Variants in ETNK1 observed in about 807,000 individuals in gnomAD.
ETNK1 encodes putative protein product of Nbla10396.
ETNK1 carries 8 observed loss-of-function variants against 45.1 expected under a neutral mutation model. The observed-to-expected ratio is 0.18, with a 90% CI of 0.10 to 0.32. The LOEUF is 0.32. ETNK1 is among the 10% of genes least tolerant of loss of function. The pLI is 1.00. For missense variants in ETNK1, 302 were observed against 430.6 expected, an observed-to-expected ratio of 0.70 and a Z score of 2.64; for synonymous variants, 152 against 151.9, an observed-to-expected ratio of 1.00 and a Z score of -0.01.
At chr12:22,673,762 A>T (rs1354056379) in intron 6 of ETNK1, 102 bp downstream of exon 6, 2 of 1,176,914 alleles carry the variant, frequency 1.7e-6, no homozygotes, top group African/African-American at 3.1e-5. Flanking sequence ...AGTTTTGTGA[A>T]TTTTTGTTCA....
In ETNK1 at chr12:22,678,569, A is replaced by G. The variant is rs576990068; in HGVS notation, c.945+4909A>G. The stretch of plus-strand genomic sequence containing the variant: ...GTTCACAATGCTTAAAGAGAGGAAG[A>G]ACAACCTGAACAAATCTCACAGGGA... On this transcript the variant is annotated intron_variant, in intron 6 of 7. Coordinates refer to ENST00000266517, the MANE Select transcript of ETNK1 (RefSeq NM_018638.5). Among the ~76,000 whole-genome samples the G allele has an allele frequency of 9.2e-5, 14 of 152,372 alleles. 1 individual carries two copies. In the South Asian group the frequency reaches 2.7e-3, roughly 29 times the overall value.
intron 6 of ETNK1, among the ~76,000 whole-genome samples, chr12:22,675,716 C>G (rs570548403): frequency 6.6e-6 from 1 of 152,028 alleles, no homozygotes; most frequent in Admixed American, 6.5e-5. Flanking sequence ...AACTTACTTA[C>G]TCTGATTCAA....
At chr12:22,639,172 A>G (rs188628733) in intron 1 of ETNK1, among the ~76,000 whole-genome samples, 10 of 151,800 alleles carry the variant, frequency 6.6e-5, no homozygotes, top group Admixed American at 5.2e-4. Context: ...CTGGATTTGT[A>G]TATTTTTTGT....
chr12:22,651,987 A>G (rs535703944), intron 2 of ETNK1, among the ~76,000 whole-genome samples: 3 of 152,138 alleles, frequency 2.0e-5, no homozygotes, highest in Non-Finnish European at 4.4e-5. Flanking sequence ...CGCCTGGCCA[A>G]TTCTATGCTT....
chr12:22,652,583 C>T (rs139646777), intron 2 of ETNK1, among the ~76,000 whole-genome samples: 4 of 152,230 alleles, frequency 2.6e-5, no homozygotes, highest in African/African-American at 7.2e-5. Context: ...TTTTGATTTG[C>T]GTTTGCCTAA....
At chr12:22,629,958 ATATTTGTTAGGCTCCCATG>A (rs1213902346) in intron 1 of ETNK1, among the ~76,000 whole-genome samples, 3 of 152,188 alleles carry the variant, frequency 2.0e-5, no homozygotes, top group Non-Finnish European at 4.4e-5. Context: ...AAAACATGAA[ATATTTGTTAGGCTCCCATG>A]TATTTTATTA....
At chr12:22,682,676 A>G (rs562782517) in intron 6 of ETNK1, among the ~76,000 whole-genome samples, 10 of 152,238 alleles carry the variant, frequency 6.6e-5, no homozygotes, top group African/African-American at 2.4e-4. Flanking sequence ...TTTTACTGTT[A>G]TTGTGTGATG....
intron 1 of ETNK1, among the ~76,000 whole-genome samples, chr12:22,634,173 TG>T (rs764189037): frequency 4.6e-5 from 7 of 152,126 alleles, no homozygotes; most frequent in Non-Finnish European, 8.8e-5. Flanking sequence ...TTTGGCCAAA[TG>T]TTTTTTCTGC....
At position 22,689,978 on chromosome 12, in the gene ETNK1, G is replaced by A. The variant is rs1954290305; in HGVS notation, c.*5024G>A. The A allele has an allele frequency of 6.6e-6, 1 of 152,408 alleles. No homozygotes were observed. Among genetic ancestry groups the A allele is most frequent in the South Asian group, 2.1e-4 (1 of 4,832 alleles). The allele number at this position is 152,408 out of a possible 1,614,324, so 9.4% of individuals were successfully genotyped here. A position where few individuals can be genotyped will look rare whatever the true frequency, so the allele number is the denominator to read the frequency against. ...AAGTATTTGAGTTTTAAAATATACTGTTATTAAAAGGAAAAAGACATGGCC... is the reference window on the plus strand; with the variant it reads ...AAGTATTTGAGTTTTAAAATATACTATTATTAAAAGGAAAAAGACATGGCC... On this transcript the variant is annotated 3_prime_UTR_variant, in exon 8 of 8. Transcript: ENST00000266517.
chr12:22,632,150 AAAT>A (rs774308731), intron 1 of ETNK1, among the ~76,000 whole-genome samples: 7 of 152,042 alleles, frequency 4.6e-5, no homozygotes, highest in Admixed American at 2.0e-4. Context: ...TACTCTGAGA[AAAT>A]AATAAGTGCA....
intron 3 of ETNK1, among the ~76,000 whole-genome samples, chr12:22,660,827 A>G (rs966835577): frequency 6.6e-6 from 1 of 152,070 alleles, no homozygotes; most frequent in Non-Finnish European, 1.5e-5. Context: ...GTTTTTAGTG[A>G]GTTTTTTAAC....
chr12:22,680,844 T>C (rs905139916), intron 6 of ETNK1, among the ~76,000 whole-genome samples: 2 of 149,992 alleles, frequency 1.3e-5, no homozygotes, highest in African/African-American at 4.9e-5. Context: ...GTATATGGGT[T>C]ATAAAACCAA....
intron 1 of ETNK1, among the ~76,000 whole-genome samples, chr12:22,640,916 T>A (rs1220240279): frequency 6.6e-6 from 1 of 152,188 alleles, no homozygotes; most frequent in East Asian, 1.9e-4. Context: ...TCAACTCTAC[T>A]GAGGTGGAAT....
At chr12:22,683,864 GT>G (rs1168575954) in intron 6 of ETNK1, among the ~76,000 whole-genome samples, 5 of 152,060 alleles carry the variant, frequency 3.3e-5, no homozygotes, top group Non-Finnish European at 7.4e-5. Flanking sequence ...ATATTACCCT[GT>G]TTAACTGAAA....
intron 2 of ETNK1, among the ~76,000 whole-genome samples, chr12:22,658,201 TG>T (rs1353187056): frequency 6.6e-6 from 1 of 151,970 alleles, no homozygotes; most frequent in Admixed American, 6.6e-5. Flanking sequence ...GAAGTTCACA[TG>T]GGAGAAGCAG....
chr12:22,671,653 A>G (rs1027843842), intron 5 of ETNK1, among the ~76,000 whole-genome samples: 19 of 152,002 alleles, frequency 1.2e-4, no homozygotes, highest in African/African-American at 3.9e-4. Context: ...CCTGGCTAAC[A>G]CGGTGAAACC....
intron 5 of ETNK1, among the ~76,000 whole-genome samples, chr12:22,671,968 C>G (rs11046531): frequency 0.047 from 7,102 of 151,192 alleles, 534 homozygotes; most frequent in African/African-American, 0.16. Flanking sequence ...AGCAGCCCTA[C>G]AAGGTAATAC....
At chr12:22,636,992 A>G (rs998675082) in intron 1 of ETNK1, among the ~76,000 whole-genome samples, 2 of 152,204 alleles carry the variant, frequency 1.3e-5, no homozygotes, top group South Asian at 2.1e-4. Context: ...TCCCCCTCGG[A>G]TACCAAGGGG....
At position 22,650,890 on chromosome 12, in the gene ETNK1, T is replaced by C. The variant is rs576303268; in HGVS notation, c.416+6868T>C. Among the ~76,000 whole-genome samples, 53 of 152,296 alleles carry C rather than the reference T, an allele frequency of 3.5e-4. No homozygotes were observed. The South Asian group carries it at 0.01, about 30-fold the overall frequency. ...TAATAAAAATTTGATTTGTTTATAGTTGTTCTGAAAAAATTTGATTATGGT... is the reference window on the plus strand; with the variant it reads ...TAATAAAAATTTGATTTGTTTATAGCTGTTCTGAAAAAATTTGATTATGGT... On this transcript the variant is annotated intron_variant, in intron 2 of 7. Coordinates refer to ENST00000266517, the MANE Select transcript of ETNK1 (RefSeq NM_018638.5).
Sources: gnomAD v4.1 joint callset for allele counts (sites outside exome capture counted in the v4.1 genomes callset) on GRCh38, gnomAD v4.1.1 for gene constraint, MANE v1.5 for transcripts, NCBI Gene and HGNC (gene_info 2026-07-23, HGNC 2026-07-21) for gene names.